The following DTNB variants were observed in gnomAD, a reference collection of about 807,000 sequenced individuals.
The protein encoded by DTNB is dystrobrevin beta.
DTNB carries 63 observed loss-of-function variants against 90.7 expected under a neutral mutation model. The observed-to-expected ratio is 0.69, with a 90% CI of 0.57 to 0.86. The LOEUF (loss-of-function observed/expected upper bound fraction) is 0.86. Among genes scored for constraint, DTNB ranks in the 40% least tolerant of loss-of-function variants. The pLI is 0.00. For synonymous variants in DTNB, 277 were observed against 286.7 expected (o/e 0.97, Z 0.34); for missense variants, 744 against 807.1 (o/e 0.92, Z 0.95).
intron 8 of DTNB, among the ~76,000 whole-genome samples, chr2:25,553,728 G>A (rs1163865900): frequency 7.6e-5 from 7 of 91,962 alleles, no homozygotes; most frequent in Admixed American, 1.6e-4. Context: ...CAACAAGAGC[G>A]AAAACTCCTT....
At position 25,571,530 on chromosome 2, in the gene DTNB, C is replaced by A. The variant is rs1364880656; in HGVS notation, c.876+5308G>T. 4.6e-5 allele frequency among the ~76,000 whole-genome samples: 7 copies of A among 152,274 alleles called. No homozygotes were observed. In the South Asian group the frequency reaches 8.3e-4, roughly 18 times the overall value. ...TTTACAGGTATACCCCTACCCTGAA[C>A]ACTACCTCTTCTCTTCCCCAGATCT... On this transcript the variant is annotated intron_variant, in intron 8 of 20. Coordinates refer to ENST00000406818, the MANE Select transcript of DTNB (RefSeq NM_021907.5).
chr2:25,514,227 TA>T (rs2074537146), intron 9 of DTNB, among the ~76,000 whole-genome samples: 1 of 152,012 alleles, frequency 6.6e-6, no homozygotes, highest in African/African-American at 2.4e-5. Flanking sequence ...CTGAATAACA[TA>T]AACAAATAAG....
Position 25,496,800 on chromosome 2 carries a change from A to C in DTNB, c.1002-13927T>G, listed in dbSNP as rs1216395642. ...CGATGTTGCAATGAGCTGAGATTGC[A>C]CCACTGCACTCCAGCCTGGGTGACA... On this transcript the variant is annotated intron_variant, in intron 9 of 20. Transcript: ENST00000406818. Among the ~76,000 whole-genome samples the C allele has an allele frequency of 6.0e-5, 9 of 150,614 alleles. No homozygotes were observed. In the Admixed American group the frequency reaches 6.0e-4, roughly 10 times the overall value.
At chr2:25,614,018 A>G (rs2069461665) in intron 4 of DTNB, among the ~76,000 whole-genome samples, 1 of 152,186 alleles carries the variant, frequency 6.6e-6, no homozygotes, top group Admixed American at 6.6e-5. Flanking sequence ...CCAAGAATAT[A>G]AGGCTATTTT....
intron 6 of DTNB, among the ~76,000 whole-genome samples, chr2:25,589,415 C>T (rs1251657851): frequency 9.3e-6 from 1 of 107,872 alleles, no homozygotes; most frequent in African/African-American, 3.6e-5. Context: ...GAGTCTCACT[C>T]TGTCGCCCAG....
intron 8 of DTNB, among the ~76,000 whole-genome samples, chr2:25,559,390 C>A (rs1366852245): frequency 2.0e-5 from 3 of 152,184 alleles, no homozygotes; most frequent in Admixed American, 2.0e-4. Flanking sequence ...CTTTCTTTCT[C>A]ACACCCCTCA....
At chr2:25,488,756 G>A (rs915552229) in intron 9 of DTNB, among the ~76,000 whole-genome samples, 4 of 152,126 alleles carry the variant, frequency 2.6e-5, no homozygotes, top group Non-Finnish European at 5.9e-5. Context: ...AGGTTCAAGC[G>A]ATTCCCCCCT....
At chr2:25,383,337 T>A (rs1405929445) in intron 19 of DTNB, among the ~76,000 whole-genome samples, 2 of 151,204 alleles carry the variant, frequency 1.3e-5, no homozygotes, top group African/African-American at 2.4e-5. Flanking sequence ...TGCCTCATTC[T>A]CCCCAAGTAG....
chr2:25,383,833 T>A lies in DTNB; in HGVS notation c.1879+3A>T. On this transcript the variant is annotated splice_donor_region_variant and intron_variant, in intron 19 of 20. Coordinates refer to ENST00000406818, the MANE Select transcript of DTNB (RefSeq NM_021907.5). ...ACGAGCAGTCCTGCTGAGCTGCCTT[T>A]ACCTCTGTCTTTCCCATTCTGCATC... is the stretch of plus-strand genomic sequence containing the variant. The A allele has an allele frequency of 6.2e-7, 1 of 1,614,064 alleles. No homozygotes were observed.
rs552877305 is a variant in DTNB at position 25,634,137 on chromosome 2, C to T, written c.148+4877G>A. Among the ~76,000 whole-genome samples the T allele has an allele frequency of 5.1e-3, 759 of 150,040 alleles. 6 individuals carry two copies. Among genetic ancestry groups the T allele is most frequent in the African/African-American group, 0.018 (721 of 40,738 alleles). On this transcript the variant is annotated intron_variant, in intron 3 of 20. Transcript: ENST00000406818. ...CGAGTCAGCCCCCTGCCCGGCCAGC[C>T]GCCCCATCCGGGAGGTGAAGGGCGC...
intron 19 of DTNB, among the ~76,000 whole-genome samples, chr2:25,383,070 C>T (rs931576996): frequency 6.6e-6 from 1 of 152,158 alleles, no homozygotes. Flanking sequence ...TTTATTCTTC[C>T]ATGAAGCCAC....
At chr2:25,619,846 C>T (rs1464115435) in intron 4 of DTNB, among the ~76,000 whole-genome samples, 1 of 152,020 alleles carries the variant, frequency 6.6e-6, no homozygotes, top group Non-Finnish European at 1.5e-5. Context: ...TTGAGACCAG[C>T]CTGACCAACA....
intron 10 of DTNB, among the ~76,000 whole-genome samples, chr2:25,479,168 T>C (rs968027414): frequency 2.0e-5 from 3 of 152,228 alleles, no homozygotes; most frequent in African/African-American, 7.2e-5. Context: ...CACAGTTCTA[T>C]GAAATTCCCA....
At chr2:25,633,915 G>T (rs999930316) in intron 3 of DTNB, among the ~76,000 whole-genome samples, 1 of 151,958 alleles carries the variant, frequency 6.6e-6, no homozygotes, top group African/African-American at 2.4e-5. Context: ...CGTCTGAGAA[G>T]TGAGGAGACC....
intron 9 of DTNB, among the ~76,000 whole-genome samples, chr2:25,486,611 C>T (rs936693619): frequency 1.0e-3 from 149 of 144,698 alleles, no homozygotes; most frequent in African/African-American, 2.0e-3. Flanking sequence ...CCAGCTTGGG[C>T]GACAGAGCAA....
intron 9 of DTNB, among the ~76,000 whole-genome samples, chr2:25,508,063 A>G (rs2072931527): frequency 6.6e-6 from 1 of 152,124 alleles, no homozygotes. Context: ...TAGACCTCCA[A>G]TACTGCCCAT....
intron 16 of DTNB, among the ~76,000 whole-genome samples, chr2:25,410,207 G>A (rs1044055083): frequency 1.3e-5 from 2 of 152,188 alleles, no homozygotes; most frequent in African/African-American, 4.8e-5. Context: ...TGGAGGCCCT[G>A]AAGGATGGTT....
At chr2:25,400,049 C>T (rs988023325) in intron 16 of DTNB, among the ~76,000 whole-genome samples, 13 of 152,166 alleles carry the variant, frequency 8.5e-5, no homozygotes, top group South Asian at 2.1e-4. Context: ...CTGCTGGCCA[C>T]GTAGGCCTTG....
intron 9 of DTNB, among the ~76,000 whole-genome samples, chr2:25,501,465 C>T (rs2070693127): frequency 6.6e-6 from 1 of 152,148 alleles, no homozygotes; most frequent in South Asian, 2.1e-4. Context: ...CCGCAATCTC[C>T]ACCTCCCAGG....
Sources: allele counts gnomAD v4.1 joint callset (sites outside exome capture counted in the v4.1 genomes callset), GRCh38; gene constraint gnomAD v4.1.1; transcripts MANE v1.5; gene names NCBI Gene and HGNC (gene_info 2026-07-23, HGNC 2026-07-21).